LRRC49: variants seen among roughly 807,000 people sequenced by gnomAD.
The protein encoded by LRRC49 is leucine-rich repeat-containing protein 49.
A neutral mutation model predicts 83.3 loss-of-function variants in LRRC49; 50 were observed. That is an observed-to-expected ratio of 0.60 (90% confidence interval 0.48 to 0.76). LRRC49 has a LOEUF of 0.76. Ranked by LOEUF, LRRC49 falls within the 30% of genes least tolerant of loss-of-function variation. The pLI is 0.00. For synonymous variants in LRRC49, 286 were observed against 283.3 expected (o/e 1.01, Z -0.10); for missense variants, 704 against 809.1 (o/e 0.87, Z 1.58).
chr15:70,991,699 T>A (rs1228460450), intron 11 of LRRC49, among the ~76,000 whole-genome samples: 1 of 152,188 alleles, frequency 6.6e-6, no homozygotes, highest in East Asian at 1.9e-4. Flanking sequence ...AGCCTAAAAA[T>A]CAAAGATAGA....
intron 8 of LRRC49, among the ~76,000 whole-genome samples, chr15:70,937,168 G>A (rs948511647): frequency 6.6e-6 from 1 of 152,062 alleles, no homozygotes; most frequent in African/African-American, 2.4e-5. Context: ...TTCATAAATT[G>A]TCAGCTACAA....
intron 4 of LRRC49, among the ~76,000 whole-genome samples, chr15:70,903,105 TG>T (rs1231812562): frequency 2.0e-5 from 3 of 152,138 alleles, no homozygotes; most frequent in Admixed American, 6.6e-5. Flanking sequence ...AAATAGAAGT[TG>T]GGGGGTATCA....
chr15:70,931,126 T>C (rs2035390412), intron 7 of LRRC49, among the ~76,000 whole-genome samples: 1 of 152,178 alleles, frequency 6.6e-6, no homozygotes, highest in Admixed American at 6.5e-5. Flanking sequence ...GCTTAACCAT[T>C]TCTAGCTTTT....
chr15:70,947,380 C>CA (rs1189331233), intron 8 of LRRC49, among the ~76,000 whole-genome samples: 1 of 151,624 alleles, frequency 6.6e-6, no homozygotes, highest in Non-Finnish European at 1.5e-5. Flanking sequence ...TTTAAAACAC[C>CA]AAAAAAGGCA....
At chr15:71,012,498 G>GAA (rs35778571) in intron 13 of LRRC49, among the ~76,000 whole-genome samples, 17 of 144,560 alleles carry the variant, frequency 1.2e-4, no homozygotes, top group African/African-American at 4.0e-4. Flanking sequence ...TAGGATTTCT[G>GAA]AAAAAAAAAA....
chr15:71,016,470 C>G (rs1484839356), intron 14 of LRRC49, among the ~76,000 whole-genome samples: 2 of 151,490 alleles, frequency 1.3e-5, no homozygotes, highest in Middle Eastern at 6.8e-3. Flanking sequence ...TAGAGAAATA[C>G]CAAAGTAAGG....
intron 4 of LRRC49, 46 bp downstream of exon 4, chr15:70,901,070 A>C: frequency 1.8e-6 from 2 of 1,117,472 alleles, no homozygotes; most frequent in Non-Finnish European, 2.7e-6. Context: ...TAGGTAATAC[A>C]TAGACGTGGT....
At chr15:70,958,150 T>G (rs779613560) in intron 8 of LRRC49, among the ~76,000 whole-genome samples, 81 of 152,280 alleles carry the variant, frequency 5.3e-4, no homozygotes, top group Non-Finnish European at 1.0e-3. Flanking sequence ...CCCTCTTTAC[T>G]CTCCTGACTA....
chr15:70,891,775 T>C (rs530232302), upstream of LRRC49: 37 of 1,373,884 alleles, frequency 2.7e-5, no homozygotes, highest in Admixed American at 2.5e-4. Context: ...TTTCCCAAGG[T>C]GACACTAAGT....
At chr15:70,913,373 T>A (rs913959362) in intron 6 of LRRC49, among the ~76,000 whole-genome samples, 1 of 152,190 alleles carries the variant, frequency 6.6e-6, no homozygotes, top group Non-Finnish European at 1.5e-5. Flanking sequence ...CCTGATGTGT[T>A]TGTCTGTGTG....
At chr15:71,024,364 C>T (rs2039090527) in intron 14 of LRRC49, among the ~76,000 whole-genome samples, 1 of 152,174 alleles carries the variant, frequency 6.6e-6, no homozygotes, top group Non-Finnish European at 1.5e-5. Context: ...CCACTGGCAT[C>T]AGATTGGTGC....
In LRRC49 at chr15:71,052,661, A is replaced by G. The variant is rs1374984986; in HGVS notation, c.*3049A>G. 1 of 152,192 alleles carries G rather than the reference A, an allele frequency of 6.6e-6. No homozygotes were observed. The highest frequency in any genetic ancestry group is 1.9e-4 in the East Asian group (1 of 5,202). 9.4% of individuals were successfully genotyped at this position (152,192 alleles called of 1,614,324 possible). On this transcript the variant is annotated 3_prime_UTR_variant, in exon 16 of 16. Coordinates refer to ENST00000260382, the MANE Select transcript of LRRC49 (RefSeq NM_017691.5). ...TTGAGCAATGTCTTGCACTATTATA[A>G]GCTCTTTGTATACATTCTCATTTAA...
At chr15:71,001,938 ACCTCGG>A (rs2038272628) in intron 11 of LRRC49, among the ~76,000 whole-genome samples, 1 of 151,724 alleles carries the variant, frequency 6.6e-6, no homozygotes, top group Non-Finnish European at 1.5e-5. Flanking sequence ...TGATCCGCCC[ACCTCGG>A]CCTCCCAAAG....
chr15:71,015,500 A>G (rs1040456322), intron 14 of LRRC49, among the ~76,000 whole-genome samples: 4 of 152,142 alleles, frequency 2.6e-5, no homozygotes, highest in African/African-American at 7.2e-5. Context: ...CAGGAGGCGG[A>G]GCTCAGCGGT....
chr15:70,961,225 A>G (rs912414807), intron 8 of LRRC49, among the ~76,000 whole-genome samples: 11 of 152,156 alleles, frequency 7.2e-5, no homozygotes, highest in African/African-American at 2.4e-4. Context: ...AGATACCACT[A>G]TGTACCTCTT....
intron 8 of LRRC49, among the ~76,000 whole-genome samples, chr15:70,952,741 A>C (rs192942493): frequency 6.6e-6 from 1 of 152,170 alleles, no homozygotes; most frequent in East Asian, 1.9e-4. Flanking sequence ...TGAAGTCCTG[A>C]GTATTATTGT....
chr15:70,953,292 A>G (rs2141182706), intron 8 of LRRC49, among the ~76,000 whole-genome samples: 1 of 152,226 alleles, frequency 6.6e-6, no homozygotes, highest in South Asian at 2.1e-4. Flanking sequence ...CATGTTTAGC[A>G]CTTCCTTTAG....
chr15:70,972,788 C>G (rs1234498536), intron 9 of LRRC49, among the ~76,000 whole-genome samples: 1 of 152,008 alleles, frequency 6.6e-6, no homozygotes, highest in African/African-American at 2.4e-5. Context: ...GCTATTGATA[C>G]TTGTGTACGC....
intron 11 of LRRC49, among the ~76,000 whole-genome samples, chr15:70,986,109 C>T (rs113537542): frequency 2.7e-5 from 4 of 150,184 alleles, no homozygotes; most frequent in East Asian, 2.0e-4. Context: ...ATTGACTTGG[C>T]GATGTGGGCT....
Sources: gnomAD v4.1 joint callset for allele counts (sites outside exome capture counted in the v4.1 genomes callset) on GRCh38, gnomAD v4.1.1 for gene constraint, MANE v1.5 for transcripts, NCBI Gene and HGNC (gene_info 2026-07-23, HGNC 2026-07-21) for gene names.